Variants in AKR1E2 observed in about 807,000 individuals in gnomAD.
AKR1E2 encodes the protein 1,5-anhydro-D-fructose reductase.
AKR1E2 carries 43 observed loss-of-function variants against 41.9 expected under a neutral mutation model. The observed-to-expected ratio is 1.03, with a 90% CI of 0.80 to 1.32. The LOEUF (loss-of-function observed/expected upper bound fraction) is 1.32. Among genes scored for constraint, AKR1E2 ranks in the 40% most tolerant of loss-of-function variants. The probability of loss-of-function intolerance (pLI) is 0.00; values close to 1 mark genes in which losing one functional copy is unlikely to be tolerated. For synonymous variants in AKR1E2, 121 were observed against 138.9 expected, an observed-to-expected ratio of 0.87 and a Z score of 0.91; for missense variants, 423 against 396.5, an observed-to-expected ratio of 1.07 and a Z score of -0.57.
intron 1 of AKR1E2, among the ~76,000 whole-genome samples, chr10:4,827,609 A>G (rs1015237713): frequency 6.6e-6 from 1 of 152,206 alleles, no homozygotes; most frequent in African/African-American, 2.4e-5. Flanking sequence ...ATCTTTAAAA[A>G]AAAAAAGCTA....
intron 6 of AKR1E2, among the ~76,000 whole-genome samples, chr10:4,841,514 C>G (rs1453299251): frequency 6.6e-6 from 1 of 152,148 alleles, no homozygotes; most frequent in Non-Finnish European, 1.5e-5. Flanking sequence ...GCTGCATGCG[C>G]TGACATGGCC....
At chr10:4,841,746 G>A in intron 6 of AKR1E2, 39 bp from the exon 7 acceptor site, 1 of 1,428,960 alleles carries the variant, frequency 7.0e-7, no homozygotes, top group African/African-American at 1.4e-5. Flanking sequence ...CATCCATGTT[G>A]GATCTCCTGG....
intron 8 of AKR1E2, 40 bp downstream of exon 8, chr10:4,842,544 A>G: frequency 1.3e-6 from 2 of 1,574,622 alleles, no homozygotes; most frequent in Non-Finnish European, 1.7e-6. Context: ...GTTTCAGATC[A>G]TGTGTTAGAT....
downstream of AKR1E2, among the ~76,000 whole-genome samples, chr10:4,850,318 C>T (rs1242825290): frequency 6.6e-6 from 1 of 152,214 alleles, no homozygotes; most frequent in Non-Finnish European, 1.5e-5. Flanking sequence ...TCAGTAGCTG[C>T]TTCTCCTCAT....
chr10:4,852,508 C>T (rs4881355), downstream of AKR1E2, among the ~76,000 whole-genome samples: 3 of 151,954 alleles, frequency 2.0e-5, no homozygotes, highest in Non-Finnish European at 2.9e-5. Context: ...AGGAGAATAC[C>T]GTTAGCTAGA....
downstream of AKR1E2, among the ~76,000 whole-genome samples, chr10:4,852,742 G>A (rs1186046210): frequency 6.6e-6 from 1 of 152,130 alleles, no homozygotes; most frequent in Non-Finnish European, 1.5e-5. Flanking sequence ...TTATTTTGTT[G>A]TTTTTGTTCT....
At chr10:4,859,814 G>T in the AKR1E2 span, among the ~76,000 whole-genome samples, 2 of 152,216 alleles carry the variant, frequency 1.3e-5, no homozygotes, top group African/African-American at 4.8e-5. Context: ...AGAATAGACA[G>T]GTCAGCAGTG....
At chr10:4,860,722 C>T in the AKR1E2 span, among the ~76,000 whole-genome samples, 942 of 152,256 alleles carry the variant, frequency 6.2e-3, 4 homozygotes, top group Non-Finnish European at 9.9e-3. Context: ...ACTCTGTGCT[C>T]TCTCTAATAT....
At chr10:4,830,028 A>G (rs1472608255) in intron 1 of AKR1E2, among the ~76,000 whole-genome samples, 1 of 152,214 alleles carries the variant, frequency 6.6e-6, no homozygotes, top group Non-Finnish European at 1.5e-5. Flanking sequence ...GAAGATAATT[A>G]TGCTGCTCTA....
intron 5 of AKR1E2, 95 bp from the exon 6 acceptor site, chr10:4,839,634 G>C (rs148022925): frequency 2.2e-5 from 25 of 1,153,108 alleles, no homozygotes; most frequent in Non-Finnish European, 3.1e-5. Flanking sequence ...ATGGCTACTC[G>C]GTGACAGCCA....
chr10:4,851,472 G>A (rs954003241), downstream of AKR1E2, among the ~76,000 whole-genome samples: 1 of 152,168 alleles, frequency 6.6e-6, no homozygotes, highest in Admixed American at 6.5e-5. Flanking sequence ...CTGGTTTCTG[G>A]TACTTTGAAC....
chr10:4,851,045 C>T (rs1834516925), downstream of AKR1E2, among the ~76,000 whole-genome samples: 1 of 152,178 alleles, frequency 6.6e-6, no homozygotes, highest in Non-Finnish European at 1.5e-5. Flanking sequence ...ATGAGGGAGA[C>T]TTGGTCTTGC....
downstream of AKR1E2, among the ~76,000 whole-genome samples, chr10:4,849,190 T>G (rs1834477007): frequency 6.6e-6 from 1 of 152,166 alleles, no homozygotes; most frequent in South Asian, 2.1e-4. Context: ...CAGGGAGAGT[T>G]TAATCAGAAG....
chr10:4,861,662 C>T, the AKR1E2 span, among the ~76,000 whole-genome samples: 2 of 152,120 alleles, frequency 1.3e-5, no homozygotes, highest in Non-Finnish European at 1.5e-5. Context: ...AACCACCGCG[C>T]CTGGCCAATA....
intron 8 of AKR1E2, among the ~76,000 whole-genome samples, chr10:4,842,713 T>G (rs1833986348): frequency 6.6e-6 from 1 of 152,122 alleles, no homozygotes; most frequent in Admixed American, 6.5e-5. Context: ...CCCTAGGGTG[T>G]TGGTGTCTTC....
the AKR1E2 span, among the ~76,000 whole-genome samples, chr10:4,870,139 A>T: frequency 2.0e-5 from 3 of 152,056 alleles, no homozygotes; most frequent in East Asian, 5.8e-4. Context: ...TTACATACAC[A>T]CAATTATCAC....
chr10:4,871,152 C>T, the AKR1E2 span, among the ~76,000 whole-genome samples: 15 of 151,974 alleles, frequency 9.9e-5, no homozygotes, highest in East Asian at 2.7e-3. Flanking sequence ...ATTCATTTAT[C>T]TTCTATTTCT....
At chr10:4,825,448 A>AG (rs1832399905), upstream of AKR1E2, among the ~76,000 whole-genome samples, 1 of 152,056 alleles carries the variant, frequency 6.6e-6, no homozygotes, top group South Asian at 2.1e-4. Context: ...TCCACTCATA[A>AG]GGGGGGTGTC....
intron 1 of AKR1E2, among the ~76,000 whole-genome samples, chr10:4,829,154 C>G (rs1433035614): frequency 1.3e-5 from 2 of 152,136 alleles, no homozygotes; most frequent in African/African-American, 4.8e-5. Flanking sequence ...TATTGATACT[C>G]TTTATCAGAT....
Sources: allele counts gnomAD v4.1 joint callset (sites outside exome capture counted in the v4.1 genomes callset), GRCh38; gene constraint gnomAD v4.1.1; transcripts MANE v1.5; gene names NCBI Gene and HGNC (gene_info 2026-07-23, HGNC 2026-07-21).